The following CREB5 variants were observed in gnomAD, a reference collection of about 807,000 sequenced individuals.
CREB5 encodes the protein cyclic AMP-responsive element-binding protein 5.
In CREB5, 19 loss-of-function variants were observed where a neutral mutation model predicts 57.1. The observed-to-expected ratio is 0.33, with a 90% CI of 0.23 to 0.49. The LOEUF (loss-of-function observed/expected upper bound fraction) is 0.49. Among genes scored for constraint, CREB5 ranks in the 20% least tolerant of loss-of-function variants. The pLI is 0.99. For missense variants in CREB5, 579 were observed against 671.6 expected, an observed-to-expected ratio of 0.86 and a Z score of 1.52; for synonymous variants, 238 against 238.3, an observed-to-expected ratio of 1.00 and a Z score of 0.01.
chr7:28,358,110 T>C (rs897274347), intron 1 of CREB5, among the ~76,000 whole-genome samples: 3 of 152,174 alleles, frequency 2.0e-5, no homozygotes, highest in African/African-American at 7.2e-5. Context: ...ACACTTTTTT[T>C]CAGTCTGCAC....
Position 28,818,062 on chromosome 7 carries a change from C to G in CREB5, c.1255-9C>G, listed in dbSNP as rs1809541553. On this transcript the variant is annotated splice_polypyrimidine_tract_variant and intron_variant, in intron 9 of 10. Transcript: ENST00000357727. ...TTCTCAACATGGTTTTAATACATAT[C>G]TCTTTTAGAATGAAGTGTCTATGTT... 1 of 1,608,262 alleles carries G rather than the reference C, an allele frequency of 6.2e-7. No homozygotes were observed. Among genetic ancestry groups the G allele is most frequent in the African/African-American group, 1.3e-5 (1 of 74,712 alleles).
At chr7:28,397,557 T>C (rs1003737177) in intron 1 of CREB5, among the ~76,000 whole-genome samples, 1 of 152,206 alleles carries the variant, frequency 6.6e-6, no homozygotes, top group African/African-American at 2.4e-5. Context: ...GCTAGAATCA[T>C]TGGCATCTTT....
intron 5 of CREB5, among the ~76,000 whole-genome samples, chr7:28,713,410 A>G (rs1036200924): frequency 1.3e-5 from 2 of 152,230 alleles, no homozygotes; most frequent in African/African-American, 4.8e-5. Context: ...TTGTATTTAA[A>G]TGAGAAAGAA....
At chr7:28,631,243 A>C (rs1211045791) in intron 5 of CREB5, among the ~76,000 whole-genome samples, 1 of 152,168 alleles carries the variant, frequency 6.6e-6, no homozygotes, top group Non-Finnish European at 1.5e-5. Flanking sequence ...AATAACTGGG[A>C]TACTCTGTAG....
At chr7:28,531,491 C>T (rs968619968) in intron 4 of CREB5, among the ~76,000 whole-genome samples, 1 of 152,124 alleles carries the variant, frequency 6.6e-6, no homozygotes, top group African/African-American at 2.4e-5. Flanking sequence ...AAGGACACCA[C>T]TCATGATAGA....
At chr7:28,681,089 G>T (rs950260684) in intron 5 of CREB5, among the ~76,000 whole-genome samples, 3 of 148,200 alleles carry the variant, frequency 2.0e-5, no homozygotes, top group Non-Finnish European at 4.5e-5. Context: ...TGCTGTGGGG[G>T]TCCAAAAAAA....
chr7:28,770,148 G>T (rs950661865), intron 7 of CREB5, among the ~76,000 whole-genome samples: 4 of 152,230 alleles, frequency 2.6e-5, no homozygotes, highest in African/African-American at 9.6e-5. Flanking sequence ...GAAAAAGTGA[G>T]CCATGAGGAA....
At position 28,474,385 on chromosome 7, in the gene CREB5, C is replaced by T. The variant is rs368487310; in HGVS notation, c.4-13790C>T. 1.8e-3 allele frequency among the ~76,000 whole-genome samples: 267 copies of T among 152,224 alleles called. 5 individuals are homozygous for T. The highest frequency in any genetic ancestry group is 0.017 in the Admixed American group (265 of 15,294). ...CTCTCCCCATGTGTGGGATGTGCCC[C>T]GTGGGGCTGTGTTTTGTAGGCAGTG... On this transcript the variant is annotated intron_variant, in intron 1 of 10. Transcript: ENST00000357727.
chr7:28,570,528 G>C lies in CREB5; in HGVS notation c.455G>C (p.Arg152Pro). The change falls in exon 5 of 11, where the codon CGC becomes CCC. Residue 152 changes from arginine (R) to proline (P), a missense_variant. Coordinates refer to ENST00000357727, the MANE Select transcript of CREB5 (RefSeq NM_182898.4). ...ATCACTCAGGCACCTTCCACCAACC[G>C]CCAGATCGGGTAAGGAGCCCTCCTT... ...SVITQAPSTN[R>P]QIGPVPGSLS... The C allele has an allele frequency of 6.2e-7, 1 of 1,613,564 alleles. No individual in the cohort carries two copies. The highest frequency in any genetic ancestry group is 1.1e-5 in the South Asian group (1 of 90,960).
At chr7:28,599,841 A>T (rs901942399) in intron 5 of CREB5, among the ~76,000 whole-genome samples, 11 of 152,142 alleles carry the variant, frequency 7.2e-5, no homozygotes, top group Non-Finnish European at 1.5e-4. Context: ...CAGGCAGGAT[A>T]TGAGAATTGT....
intron 2 of CREB5, among the ~76,000 whole-genome samples, chr7:28,489,943 C>G (rs1470586754): frequency 1.3e-5 from 2 of 152,216 alleles, no homozygotes; most frequent in Non-Finnish European, 2.9e-5. Context: ...TGTCACTCTA[C>G]TAAGTTACTA....
intron 5 of CREB5, among the ~76,000 whole-genome samples, chr7:28,697,393 G>T (rs1801631576): frequency 6.6e-6 from 1 of 152,002 alleles, no homozygotes. Flanking sequence ...AAGGTATTTT[G>T]TTTTCAAACT....
At chr7:28,472,254 T>C (rs1367532709) in intron 1 of CREB5, among the ~76,000 whole-genome samples, 2 of 152,148 alleles carry the variant, frequency 1.3e-5, no homozygotes, top group Non-Finnish European at 2.9e-5. Context: ...TGTCTTCTGA[T>C]AGGAGAAAAG....
chr7:28,605,885 C>A (rs1053559276), intron 5 of CREB5, among the ~76,000 whole-genome samples: 1 of 152,110 alleles, frequency 6.6e-6, no homozygotes, highest in Non-Finnish European at 1.5e-5. Context: ...GGACTGGCTG[C>A]CAAAAGGCAG....
At chr7:28,503,556 TAG>T (rs900648497) in intron 3 of CREB5, among the ~76,000 whole-genome samples, 1 of 152,104 alleles carries the variant, frequency 6.6e-6, no homozygotes, top group African/African-American at 2.4e-5. Context: ...CCATGATTCA[TAG>T]AGAGGTAAAG....
intron 7 of CREB5, among the ~76,000 whole-genome samples, chr7:28,740,716 C>T (rs938156375): frequency 2.0e-5 from 3 of 152,150 alleles, no homozygotes; most frequent in Admixed American, 6.5e-5. Flanking sequence ...CCAAGGCTTG[C>T]GTCTTCGTTC....
In CREB5 at chr7:28,437,614, A is replaced by G. The variant is rs571993051; in HGVS notation, c.3+24697A>G. Among the ~76,000 whole-genome samples the G allele has an allele frequency of 6.4e-4, 97 of 152,288 alleles. 1 individual carries two copies. The highest frequency in any genetic ancestry group is 2.2e-3 in the African/African-American group (92 of 41,568). The stretch of plus-strand genomic sequence containing the variant: ...TAATTTCAAGAAGTACAATAAAAGC[A>G]CAGCTAATTTTACCTAACAACAGGA... On this transcript the variant is annotated intron_variant, in intron 1 of 10. Transcript: ENST00000357727.
chr7:28,376,479 A>G (rs1266721361), intron 1 of CREB5, among the ~76,000 whole-genome samples: 1 of 152,098 alleles, frequency 6.6e-6, no homozygotes, highest in African/African-American at 2.4e-5. Flanking sequence ...CATGTTGGCC[A>G]GGCTGGTTTT....
Position 28,395,605 on chromosome 7 carries a change from G to T in CREB5, c.-25+96164G>T, listed in dbSNP as rs1333051982. 8.5e-5 allele frequency among the ~76,000 whole-genome samples: 13 copies of T among 152,134 alleles called. 1 individual carries two copies. The highest frequency in any genetic ancestry group is 5.2e-4 in the Admixed American group (8 of 15,252). ...TGCACTATTCTCCACGTTGCAACAG[G>T]TTGGTTTACATTGTGTACTACATGC... On this transcript the variant is annotated intron_variant, in intron 1 of 9. Coordinates refer to the CREB5 transcript ENST00000396299.
Sources: gnomAD v4.1 joint callset for allele counts (sites outside exome capture counted in the v4.1 genomes callset) on GRCh38, gnomAD v4.1.1 for gene constraint, MANE v1.5 for transcripts, NCBI Gene and HGNC (gene_info 2026-07-23, HGNC 2026-07-21) for gene names.